Variants in SEL1L2 observed in about 807,000 individuals in gnomAD.
SEL1L2 encodes the protein SEL1L2 adaptor subunit of SYVN1 ubiquitin ligase.
SEL1L2 carries 89 observed loss-of-function variants against 98.8 expected under a neutral mutation model. The ratio of observed to expected loss-of-function variants is 0.90; its 90% CI spans 0.76 to 1.07. The LOEUF (loss-of-function observed/expected upper bound fraction) is 1.07. SEL1L2 is among the 50% of genes least tolerant of loss of function. SEL1L2 has a pLI of 0.00. For missense variants in SEL1L2, 788 were observed against 812.0 expected (o/e 0.97, Z 0.36); for synonymous variants, 262 against 278.5 (o/e 0.94, Z 0.59).
At chr20:13,861,329 A>G (rs919736747) in intron 17 of SEL1L2, among the ~76,000 whole-genome samples, 1 of 151,850 alleles carries the variant, frequency 6.6e-6, no homozygotes, top group Middle Eastern at 3.2e-3. Flanking sequence ...GCATGCACCA[A>G]CATGCCCGTA....
intron 5 of SEL1L2, among the ~76,000 whole-genome samples, chr20:13,891,447 C>T (rs6079205): frequency 0.76 from 114,843 of 151,910 alleles, 43,697 homozygotes; most frequent in East Asian, 0.91. Context: ...GGTGGGCGGA[C>T]CACAAGATCA....
chr20:13,983,097 T>C (rs1357167142), intron 1 of SEL1L2, among the ~76,000 whole-genome samples: 1 of 144,328 alleles, frequency 6.9e-6, no homozygotes, highest in Non-Finnish European at 1.5e-5. Flanking sequence ...ACATGATTAG[T>C]TTAACATGAT....
At chr20:13,864,677 A>G (rs977304228) in intron 17 of SEL1L2, among the ~76,000 whole-genome samples, 2 of 152,154 alleles carry the variant, frequency 1.3e-5, no homozygotes, top group Non-Finnish European at 2.9e-5. Flanking sequence ...TTTTATTCTT[A>G]CATGCTAATG....
intron 2 of SEL1L2, among the ~76,000 whole-genome samples, chr20:13,932,079 G>A (rs1216732403): frequency 6.6e-6 from 1 of 152,106 alleles, no homozygotes; most frequent in Non-Finnish European, 1.5e-5. Context: ...CTGGTAAGTT[G>A]TCATGGTAAT....
At chr20:13,926,285 A>T (rs1043668571) in intron 3 of SEL1L2, among the ~76,000 whole-genome samples, 1 of 152,162 alleles carries the variant, frequency 6.6e-6, no homozygotes, top group Admixed American at 6.5e-5. Context: ...ACTGCACTCC[A>T]GCCTGGGCGA....
chr20:13,943,887 C>G (rs1216827318), intron 2 of SEL1L2, among the ~76,000 whole-genome samples: 1 of 152,030 alleles, frequency 6.6e-6, no homozygotes, highest in African/African-American at 2.4e-5. Flanking sequence ...GCTGATTGGT[C>G]CGTGGGTGGG....
chr20:13,861,059 A>G (rs1990045989), intron 17 of SEL1L2, among the ~76,000 whole-genome samples: 1 of 152,094 alleles, frequency 6.6e-6, no homozygotes. Context: ...TTAACTCCTG[A>G]TATCTCCTCC....
chr20:13,949,752 G>T (rs1298795545), intron 2 of SEL1L2, among the ~76,000 whole-genome samples: 1 of 150,410 alleles, frequency 6.6e-6, no homozygotes, highest in Non-Finnish European at 1.5e-5. Flanking sequence ...GTGGACTATT[G>T]GTGGGCATGT....
rs1345695250 is a variant in SEL1L2 at position 13,865,492 on chromosome 20, A to G, written c.1427T>C (p.Leu476Pro). The change falls in exon 16 of 20, where the codon CTA becomes CCA. Residue 476 changes from leucine (L) to proline (P), a missense_variant. Physicochemically the swap from Leu to Pro is moderately conservative, Grantham distance 98. Transcript: ENST00000284951. The stretch of plus-strand genomic sequence containing the variant: ...CAGGAATTTCTCAGCCCAGTGGCCT[A>G]GTTCACAGACACCTTTATAAAGCTG... ...AVELYKGVCE[L>P]GHWAEKFLTA... is the part of the protein sequence containing the mutation. The G allele has an allele frequency of 3.7e-6, 6 of 1,614,048 alleles. No homozygotes were observed. Among genetic ancestry groups the G allele is most frequent in the East Asian group, 4.5e-5 (2 of 44,870 alleles).
intron 5 of SEL1L2, among the ~76,000 whole-genome samples, chr20:13,894,336 G>A (rs1380689276): frequency 6.6e-6 from 1 of 152,200 alleles, no homozygotes; most frequent in East Asian, 1.9e-4. Context: ...AAGGTGGGTG[G>A]ATCATCTGAG....
chr20:13,873,985 A>T (rs1014293149), intron 12 of SEL1L2, among the ~76,000 whole-genome samples: 1 of 152,148 alleles, frequency 6.6e-6, no homozygotes, highest in African/African-American at 2.4e-5. Flanking sequence ...CAGGAAAGAG[A>T]TCATGTGAGC....
At chr20:13,870,693 T>TG (rs2046145818) in intron 12 of SEL1L2, among the ~76,000 whole-genome samples, 2 of 152,094 alleles carry the variant, frequency 1.3e-5, no homozygotes, top group East Asian at 3.9e-4. Context: ...GAGGCCAAGG[T>TG]GGGCAGATCA....
chr20:13,889,227 C>T (rs1365846092), intron 5 of SEL1L2, among the ~76,000 whole-genome samples: 4 of 151,710 alleles, frequency 2.6e-5, no homozygotes, highest in Non-Finnish European at 5.9e-5. Flanking sequence ...CTCAAGTGAC[C>T]CACCTGCCTC....
chr20:13,978,316 T>C (rs1389875290), intron 1 of SEL1L2, among the ~76,000 whole-genome samples: 3 of 152,072 alleles, frequency 2.0e-5, no homozygotes, highest in Admixed American at 1.3e-4. Context: ...AAGAATGAAA[T>C]TGGACCCTTA....
chr20:13,895,517 T>C (rs2047384863), intron 5 of SEL1L2, among the ~76,000 whole-genome samples: 1 of 149,386 alleles, frequency 6.7e-6, no homozygotes, highest in Non-Finnish European at 1.5e-5. Context: ...CAAAAGCCAT[T>C]GATGGATAAA....
rs760500610 is a variant in SEL1L2 at position 13,990,557 on chromosome 20, C to T, written c.-23G>A. 4.7e-5 allele frequency: 74 copies of T among 1,586,660 alleles called. No homozygotes were observed. The highest frequency in any genetic ancestry group is 6.4e-5 in the Non-Finnish European group (74 of 1,157,126). On this transcript the variant is annotated 5_prime_UTR_variant, in exon 1 of 20. Transcript: ENST00000284951. ...CATCTTCTCTTAAGCAGCTTCTCTT[C>T]ACTGTAACACAGGCAGAAACTAGGT... is the stretch of plus-strand genomic sequence containing the variant.
intron 6 of SEL1L2, 76 bp downstream of exon 6, chr20:13,888,383 T>C: frequency 2.1e-6 from 2 of 963,864 alleles, no homozygotes; most frequent in Non-Finnish European, 3.2e-6. Context: ...GCCCCTTTAC[T>C]TAATGAGTAG....
At chr20:13,895,007 A>C (rs886613891) in intron 5 of SEL1L2, among the ~76,000 whole-genome samples, 4 of 152,238 alleles carry the variant, frequency 2.6e-5, no homozygotes, top group African/African-American at 4.8e-5. Context: ...ACACTACAAG[A>C]AAACCATAGA....
intron 3 of SEL1L2, among the ~76,000 whole-genome samples, chr20:13,919,385 G>A (rs1045862845): frequency 1.7e-4 from 26 of 152,182 alleles, no homozygotes; most frequent in African/African-American, 5.8e-4. Context: ...AGATGCTCCT[G>A]ATGGGAGAAG....
Sources: gnomAD v4.1 joint callset for allele counts (sites outside exome capture counted in the v4.1 genomes callset) on GRCh38, gnomAD v4.1.1 for gene constraint, MANE v1.5 for transcripts, NCBI Gene and HGNC (gene_info 2026-07-23, HGNC 2026-07-21) for gene names.